The following FLT3LG variants were observed in gnomAD, a reference collection of about 807,000 sequenced individuals.
The protein encoded by FLT3LG is fms related receptor tyrosine kinase 3 ligand.
FLT3LG carries 8 observed loss-of-function variants against 30.9 expected under a neutral mutation model. That is an observed-to-expected ratio of 0.26 (90% CI 0.15 to 0.47). The LOEUF (loss-of-function observed/expected upper bound fraction) is 0.47. Among genes scored for constraint, FLT3LG ranks in the 20% least tolerant of loss-of-function variants. The pLI is 0.99. For missense variants in FLT3LG, 278 were observed against 306.2 expected, an observed-to-expected ratio of 0.91 and a Z score of 0.69; for synonymous variants, 123 against 135.9, an observed-to-expected ratio of 0.91 and a Z score of 0.66.
At position 49,476,177 on chromosome 19, in the gene FLT3LG, C is replaced by T. The variant is rs758051141; in HGVS notation, c.177C>T (p.Thr59=). Residue 59 remains threonine, a synonymous_variant, in exon 4 of 9, where the codon ACC becomes ACT. Transcript: ENST00000597551. This position sits in a 1 kb window ranked among gnomAD's most constrained non-coding sequence, Gnocchi z 5.3. ...SDYLLQDYPV[T]VASNLQDEEL... ...ACCTGCTTCAAGATTACCCAGTCAC[C>T]GTGGCCTCCAACCTGCAGGACGTAA... 4.3e-6 allele frequency: 7 copies of T among 1,613,406 alleles called. No homozygotes were observed. In the Admixed American group the frequency reaches 5.0e-5, roughly 12 times the overall value.
At chr19:49,478,208 C>T (rs1049460284) in intron 5 of FLT3LG, among the ~76,000 whole-genome samples, 4 of 150,010 alleles carry the variant, frequency 2.7e-5, no homozygotes, top group African/African-American at 9.8e-5. Flanking sequence ...GTGGCTCACG[C>T]CTGTAATCCC....
At chr19:49,479,498 C>CTT (rs1177717575) in intron 6 of FLT3LG, among the ~76,000 whole-genome samples, 33 of 96,048 alleles carry the variant, frequency 3.4e-4, no homozygotes, top group Admixed American at 4.4e-4. Context: ...CCCAGCCTAC[C>CTT]TTTTTTTTTT....
chr19:49,475,243 G>A (rs2079348583), intron 2 of FLT3LG, among the ~76,000 whole-genome samples: 1 of 122,446 alleles, frequency 8.2e-6, no homozygotes, highest in South Asian at 3.4e-4. Context: ...AGAGGAGGGG[G>A]AGATGGACAG....
chr19:49,474,551 G>A, intron 1 of FLT3LG, 52 bp from the exon 2 acceptor site: 1 of 1,384,324 alleles, frequency 7.2e-7, no homozygotes, highest in South Asian at 1.2e-5. Context: ...GGGCGGGCAG[G>A]GCAGGGGCTG....
intron 5 of FLT3LG, among the ~76,000 whole-genome samples, chr19:49,477,314 C>T (rs1328492640): frequency 6.7e-6 from 1 of 149,846 alleles, no homozygotes; most frequent in East Asian, 2.0e-4. Context: ...CATGGTGGTG[C>T]CCACCTGTGG....
chr19:49,476,754 C>A lies in FLT3LG; in HGVS notation c.342+188C>A. 1 of 700,550 alleles carries A rather than the reference C, an allele frequency of 1.4e-6. No homozygotes were observed. The highest frequency in any genetic ancestry group is 2.3e-6 in the Non-Finnish European group (1 of 438,238). 43.4% of individuals were successfully genotyped at this position (700,550 alleles called of 1,614,324 possible). A position where few individuals can be genotyped will look rare whatever the true frequency, so the allele number is the denominator to read the frequency against. ...GTCCCCAGGCACCGGTGATGGGGAG[C>A]AGTCTGGTCCCATTCTGGGGCCCCG... On this transcript the variant is annotated intron_variant, in intron 5 of 8. Coordinates refer to ENST00000597551, the MANE Select transcript of FLT3LG (RefSeq NM_001459.4). This position sits in a 1 kb window ranked among gnomAD's most constrained non-coding sequence, Gnocchi z 5.3.
At chr19:49,477,199 C>T (rs552079903) in intron 5 of FLT3LG, among the ~76,000 whole-genome samples, 100 of 151,648 alleles carry the variant, frequency 6.6e-4, no homozygotes, top group Non-Finnish European at 1.2e-3. Context: ...CCAGCACTTT[C>T]GGAGGCCAAG....
At position 49,476,500 on chromosome 19, in the gene FLT3LG, C is replaced by T. The variant is rs1473621169; in HGVS notation, c.276C>T (p.Ser92=). 3.7e-6 allele frequency: 6 copies of T among 1,614,166 alleles called. No homozygotes were observed. In the East Asian group the frequency reaches 1.3e-4, roughly 36 times the overall value. The change falls in exon 5 of 9, where the codon TCC becomes TCT. Residue 92 remains serine, a synonymous_variant. Coordinates refer to ENST00000597551, the MANE Select transcript of FLT3LG (RefSeq NM_001459.4). The surrounding 1 kb of genome is among the most constrained non-coding windows in gnomAD (Gnocchi z 5.3). ...AGCGGCTCAAGACTGTCGCTGGGTC[C>T]AAGATGCAAGGCTTGCTGGAGCGCG... is the stretch of plus-strand genomic sequence containing the variant. The part of the protein sequence containing the change: ...WMERLKTVAG[S]KMQGLLERVN...
rs1170331226 is a variant in FLT3LG, at chr19:49,476,663, T to C, written c.342+97T>C. On this transcript the variant is annotated intron_variant, in intron 5 of 8. Coordinates refer to ENST00000597551, the MANE Select transcript of FLT3LG (RefSeq NM_001459.4). This position sits in a 1 kb window ranked among gnomAD's most constrained non-coding sequence, Gnocchi z 5.3. The stretch of plus-strand genomic sequence containing the variant: ...TAGGCCTTATTGGCGATTTGGACCA[T>C]AGCCACCCAACGAAGGTAGAGCGAG... The C allele has an allele frequency of 7.8e-6, 12 of 1,535,636 alleles. No homozygotes were observed. Among genetic ancestry groups the C allele is most frequent in the Non-Finnish European group, 9.8e-6 (11 of 1,125,286 alleles).
chr19:49,484,705 C>T (rs975879426), intron 8 of FLT3LG, among the ~76,000 whole-genome samples: 19 of 151,956 alleles, frequency 1.3e-4, no homozygotes, highest in Non-Finnish European at 2.4e-4. Flanking sequence ...CCATATTGGC[C>T]AGGCTGATCT....
chr19:49,478,805 A>T, intron 5 of FLT3LG, 104 bp from the exon 6 acceptor site: 3 of 1,069,628 alleles, frequency 2.8e-6, no homozygotes, highest in Non-Finnish European at 3.8e-6. Flanking sequence ...GCCAGAGCTC[A>T]CTGGGCCCTG....
At chr19:49,474,387 A>C (rs922635913) in intron 1 of FLT3LG, 106 bp downstream of exon 1, 3 of 583,420 alleles carry the variant, frequency 5.1e-6, no homozygotes, top group Non-Finnish European at 9.2e-6. Context: ...CGGGTCCCTA[A>C]CCTGGGGAGG....
intron 2 of FLT3LG, among the ~76,000 whole-genome samples, chr19:49,475,232 C>T (rs57744535): frequency 0.21 from 16,578 of 78,336 alleles, 1,997 homozygotes; most frequent in African/African-American, 0.43. Context: ...GGGAGATGGA[C>T]AGAGGAGGGG....
chr19:49,482,703 C>G (rs973925100), intron 8 of FLT3LG, among the ~76,000 whole-genome samples: 1 of 151,668 alleles, frequency 6.6e-6, no homozygotes, highest in Non-Finnish European at 1.5e-5. Flanking sequence ...TCTCAGCTCA[C>G]TGCAACCTCC....
chr19:49,475,444 G>A (rs747609724), intron 2 of FLT3LG, among the ~76,000 whole-genome samples: 9 of 151,630 alleles, frequency 5.9e-5, no homozygotes, highest in Non-Finnish European at 1.0e-4. Flanking sequence ...CCAGCAGAGT[G>A]GGGGAGATGG....
rs747589247 is a variant in FLT3LG at position 49,474,647 on chromosome 19, T to C, written c.8T>C (p.Val3Ala). MT[V>A]LAPAWSPTTY... ...GAGGGGCCCCCGGCCGAAATGACAG[T>C]GCTGGCGCCAGCCTGGAGCCCAACA... The change falls in exon 2 of 9, where the codon GTG becomes GCG. Residue 3 changes from valine to alanine, a missense_variant. Transcript: ENST00000597551. The C allele has an allele frequency of 6.2e-7, 1 of 1,612,374 alleles. No individual in the cohort carries two copies. The highest frequency in any genetic ancestry group is 1.1e-5 in the South Asian group (1 of 90,532).
intron 8 of FLT3LG, among the ~76,000 whole-genome samples, chr19:49,483,229 G>A (rs985707596): frequency 3.9e-5 from 6 of 151,998 alleles, no homozygotes; most frequent in African/African-American, 1.4e-4. Flanking sequence ...TGGTTCAGGC[G>A]ATTCTCCTGC....
chr19:49,481,177 G>C (rs1000976569), intron 8 of FLT3LG: 1 of 154,972 alleles, frequency 6.5e-6, no homozygotes, highest in Non-Finnish European at 1.4e-5. Flanking sequence ...GAGTGGATGG[G>C]CAGAGAGTCA....
Position 49,480,551 on chromosome 19 carries a change from G to A in FLT3LG, c.661-1G>A. The A allele has an allele frequency of 6.2e-7, 1 of 1,612,826 alleles. No homozygotes were observed. The highest frequency in any genetic ancestry group is 8.5e-7 in the Non-Finnish European group (1 of 1,179,548). On this transcript the variant is annotated splice_acceptor_variant, in intron 7 of 8. Coordinates refer to ENST00000597551, the MANE Select transcript of FLT3LG (RefSeq NM_001459.4). LOFTEE classifies it high-confidence loss of function. ...TGTGGCTGACACTTTGGGGCCCACA[G>A]GTGCCCCCCGTCCCCAGTCCCCAGG...
Sources: gnomAD v4.1 joint callset for allele counts (sites outside exome capture counted in the v4.1 genomes callset) on GRCh38, gnomAD v4.1.1 for gene constraint, Gnocchi (gnomAD v3.1) non-coding constraint, MANE v1.5 for transcripts, NCBI Gene and HGNC (gene_info 2026-07-23, HGNC 2026-07-21) for gene names.